PCDHA5: variants seen among roughly 807,000 people sequenced by gnomAD.
PCDHA5 encodes the protein protocadherin alpha-5.
In PCDHA5, 43 loss-of-function variants were observed where a neutral mutation model predicts 61.6. The observed-to-expected ratio is 0.70, with a 90% CI of 0.55 to 0.90. The LOEUF is 0.90. Ranked by LOEUF, PCDHA5 falls within the 40% of genes least tolerant of loss-of-function variation. The pLI is 0.00. For missense variants in PCDHA5, 1,298 were observed against 1,222.7 expected (o/e 1.06, Z -0.92); for synonymous variants, 627 against 543.9 (o/e 1.15, Z -2.13).
chr5:140,941,202 C>CTTT (rs1554213921), intron 1 of PCDHA5, among the ~76,000 whole-genome samples: 9,869 of 122,696 alleles, frequency 0.08, 560 homozygotes, highest in East Asian at 0.13. Flanking sequence ...TTTCTTTCTT[C>CTTT]CTTTCTTTCT....
At chr5:140,966,030 A>C (rs1554227994) in intron 1 of PCDHA5, among the ~76,000 whole-genome samples, 4 of 152,164 alleles carry the variant, frequency 2.6e-5, no homozygotes, top group Admixed American at 6.5e-5. Context: ...AGTCAGGTGA[A>C]TAGTTCCCAT....
chr5:140,968,818 T>A, intron 1 of PCDHA5: 1 of 1,614,188 alleles, frequency 6.2e-7, no homozygotes, highest in South Asian at 1.1e-5. Context: ...TGGATAGGGT[T>A]TCCAAAATCC....
At chr5:140,912,864 T>C (rs1483499385) in intron 1 of PCDHA5, among the ~76,000 whole-genome samples, 1 of 152,212 alleles carries the variant, frequency 6.6e-6, no homozygotes, top group East Asian at 1.9e-4. Context: ...TGAAATGATA[T>C]ATGGTTTTTG....
chr5:140,941,255 C>CTTTCTTTCTTTCTTTCTTTCTT (rs782490896), intron 1 of PCDHA5, among the ~76,000 whole-genome samples: 2 of 44,508 alleles, frequency 4.5e-5, no homozygotes, highest in African/African-American at 1.4e-4. Context: ...TTCTTTCTTT[C>CTTTCTTTCTTTCTTTCTTTCTT]TCTTTCTTTC....
intron 1 of PCDHA5, among the ~76,000 whole-genome samples, chr5:140,826,093 T>C (rs1198745470): frequency 2.6e-5 from 4 of 152,224 alleles, no homozygotes; most frequent in Non-Finnish European, 4.4e-5. Flanking sequence ...TAAGTACCCT[T>C]CTATCATGCT....
In PCDHA5 at chr5:140,968,959, C is replaced by T. The variant is rs782079520; in HGVS notation, c.2353-9990C>T. ...TCATCATTTTGAGCATCATCAAGTG[C>T]TACCGCTACACTGCGTATGGCACTG... On this transcript the variant is annotated intron_variant, in intron 1 of 3. Transcript: ENST00000529859. The T allele has an allele frequency of 1.5e-5, 25 of 1,614,182 alleles. 1 individual carries two copies. In the Middle Eastern group the frequency reaches 1.8e-3, roughly 117 times the overall value.
In PCDHA5 at chr5:140,926,298, C is replaced by G. The variant is rs1337047837; in HGVS notation, c.2353-52651C>G. 3.3e-5 allele frequency: 5 copies of G among 152,328 alleles called. No homozygotes were observed. In the East Asian group the frequency reaches 5.8e-4, roughly 18 times the overall value. The allele number at this position is 152,328 out of a possible 1,614,324, so 9.4% of individuals were successfully genotyped here. Reference sequence around the variant, plus strand: ...TCGGCAGCTCCACGCTGAGTCCCGCCCTCTCCGCCGGAGAGGTGCGCCGGG... The same window carrying G: ...TCGGCAGCTCCACGCTGAGTCCCGCGCTCTCCGCCGGAGAGGTGCGCCGGG... On this transcript the variant is annotated intron_variant, in intron 1 of 3. Coordinates refer to ENST00000529859, the MANE Select transcript of PCDHA5 (RefSeq NM_018908.3).
intron 1 of PCDHA5, chr5:140,927,289 A>G: frequency 6.2e-7 from 1 of 1,614,172 alleles, no homozygotes; most frequent in Non-Finnish European, 8.5e-7. Flanking sequence ...GCAGCTGCAC[A>G]TCCCCGAGTT....
At chr5:141,007,749 T>C (rs2098343750) in intron 3 of PCDHA5, among the ~76,000 whole-genome samples, 2 of 152,334 alleles carry the variant, frequency 1.3e-5, no homozygotes, top group South Asian at 4.1e-4. Flanking sequence ...AAGATAACTT[T>C]GGACTCTTAT....
Position 140,843,942 on chromosome 5 carries a change from A to C in PCDHA5, c.2352+19815A>C, listed in dbSNP as rs1779153148. On this transcript the variant is annotated intron_variant, in intron 1 of 3. Transcript: ENST00000529859. ...TTGAAACTCAAGTTATGGTTGGATG[A>C]TATCCATTTTTTACTGAATATTTAT... 11 of 569,722 alleles carry C rather than the reference A, an allele frequency of 1.9e-5. 1 individual carries two copies. The East Asian group carries it at 3.2e-4, about 17-fold the overall frequency. 35.3% of individuals were successfully genotyped at this position (569,722 alleles called of 1,614,324 possible).
chr5:140,829,492 C>T, intron 1 of PCDHA5: 4 of 1,613,696 alleles, frequency 2.5e-6, no homozygotes, highest in Middle Eastern at 1.7e-4. Flanking sequence ...TGAAGGAGAA[C>T]AACCCGCCGG....
At position 140,836,540 on chromosome 5, in the gene PCDHA5, G is replaced by A. The variant is rs2150263388; in HGVS notation, c.2352+12413G>A. On this transcript the variant is annotated intron_variant, in intron 1 of 3. Transcript: ENST00000529859. ...TGGTGCTTACCCTGCTGCTGTACAC[G>A]GCGTTGCGGTGCTCAGCGCCGTCCT... 4,283 of 1,613,776 alleles carry A rather than the reference G, an allele frequency of 2.7e-3. 131 individuals carry two copies. The African/African-American group carries it at 0.05, about 19-fold the overall frequency.
At chr5:140,864,170 G>A (rs1301709115) in intron 1 of PCDHA5, 1 of 152,166 alleles carries the variant, frequency 6.6e-6, no homozygotes, top group Non-Finnish European at 1.5e-5. Context: ...TTACCGGAAG[G>A]ATCATGATGA....
chr5:140,875,409 A>C (rs2055459044), intron 1 of PCDHA5: 1 of 1,500,680 alleles, frequency 6.7e-7, no homozygotes, highest in African/African-American at 1.4e-5. Context: ...CTGCTCATAA[A>C]ATACCTCAGG....
chr5:140,870,329 A>G, intron 1 of PCDHA5: 1 of 1,614,160 alleles, frequency 6.2e-7, no homozygotes, highest in Non-Finnish European at 8.5e-7. Context: ...TTGGTGCTGG[A>G]CAGCGCCCTG....
intron 1 of PCDHA5, chr5:140,836,284 C>T (rs2150256843): frequency 6.2e-7 from 1 of 1,613,808 alleles, no homozygotes; most frequent in South Asian, 1.1e-5. Context: ...ATCAGCACGA[C>T]ACGAGCCCTA....
At chr5:140,880,496 A>G (rs965874952) in intron 1 of PCDHA5, among the ~76,000 whole-genome samples, 4 of 152,206 alleles carry the variant, frequency 2.6e-5, no homozygotes, top group African/African-American at 4.8e-5. Flanking sequence ...AGAGCAATTG[A>G]ATTTCTGTTT....
intron 1 of PCDHA5, among the ~76,000 whole-genome samples, chr5:140,971,957 AC>A (rs1360214556): frequency 6.6e-6 from 1 of 152,060 alleles, no homozygotes; most frequent in Non-Finnish European, 1.5e-5. Flanking sequence ...GACTCCAAAA[AC>A]TTTTTTTCAA....
intron 1 of PCDHA5, among the ~76,000 whole-genome samples, chr5:140,905,589 G>T (rs1336272963): frequency 4.6e-5 from 7 of 152,084 alleles, no homozygotes; most frequent in African/African-American, 1.7e-4. Context: ...ATGATATTTT[G>T]CTGGGAATTG....
Sources: allele counts gnomAD v4.1 joint callset (sites outside exome capture counted in the v4.1 genomes callset), GRCh38; gene constraint gnomAD v4.1.1; transcripts MANE v1.5; gene names NCBI Gene and HGNC (gene_info 2026-07-23, HGNC 2026-07-21).